Variants in ILDR2 observed in about 807,000 individuals in gnomAD.
ILDR2 encodes the protein immunoglobulin like domain containing receptor 2.
A neutral mutation model predicts 66.8 loss-of-function variants in ILDR2; 25 were observed. The observed-to-expected ratio is 0.37, with a 90% CI of 0.27 to 0.52. The LOEUF (loss-of-function observed/expected upper bound fraction) is 0.52, where lower values mean the gene tolerates loss of function less well. Among genes scored for constraint, ILDR2 ranks in the 20% least tolerant of loss-of-function variants. ILDR2 has a pLI of 0.88. For missense variants in ILDR2, 827 were observed against 876.8 expected (o/e 0.94, Z 0.72); for synonymous variants, 367 against 357.2 (o/e 1.03, Z -0.31).
chr1:166,956,330 G>A (rs920271131), intron 3 of ILDR2, among the ~76,000 whole-genome samples: 4 of 152,192 alleles, frequency 2.6e-5, no homozygotes, highest in African/African-American at 7.2e-5. Context: ...GATTCCTGAT[G>A]TCTCCAGAGG....
At chr1:166,973,740 G>GGAGTGGAA (rs998985392) in intron 1 of ILDR2, among the ~76,000 whole-genome samples, 1 of 151,966 alleles carries the variant, frequency 6.6e-6, no homozygotes, top group Admixed American at 6.6e-5. Context: ...AGTGAGGGTG[G>GGAGTGGAA]GAGTGGAAGG....
intron 2 of ILDR2, among the ~76,000 whole-genome samples, chr1:166,897,166 G>C (rs1418799123): frequency 1.3e-5 from 2 of 152,232 alleles, no homozygotes; most frequent in Middle Eastern, 3.4e-3. Context: ...CAGTTAAGAG[G>C]CTATTGCTAT....
chr1:166,935,279 G>C, intron 6 of ILDR2, 22 bp downstream of exon 6: 1 of 1,613,738 alleles, frequency 6.2e-7, no homozygotes, highest in African/African-American at 1.3e-5. Flanking sequence ...GCATGGGCAG[G>C]GCAGTCTGGA....
At chr1:166,902,314 C>T (rs909120041) in intron 2 of ILDR2, among the ~76,000 whole-genome samples, 1 of 152,248 alleles carries the variant, frequency 6.6e-6, no homozygotes. Context: ...TCTGAATCAA[C>T]CCTTCTTCCT....
chr1:166,931,955 C>T (rs192726773), intron 6 of ILDR2, among the ~76,000 whole-genome samples: 111 of 152,216 alleles, frequency 7.3e-4, no homozygotes, highest in African/African-American at 2.5e-3. Context: ...GTTGGATATA[C>T]GGTATTGAGG....
intron 3 of ILDR2, among the ~76,000 whole-genome samples, 185 bp downstream of exon 3, chr1:166,956,548 G>A (rs1662294001): frequency 6.6e-6 from 1 of 152,166 alleles, no homozygotes; most frequent in South Asian, 2.1e-4. Flanking sequence ...TAGCTTTCAA[G>A]AAGTAAGACA....
rs1557921285 is a variant in ILDR2, at chr1:166,909,760, A to ATATATATAT, written c.*9594_*9595insATATATATA. 3.2e-5 allele frequency: 2 copies of ATATATATAT among 62,742 alleles called. No individual in the cohort carries two copies. Among genetic ancestry groups the ATATATATAT allele is most frequent in the Admixed American group, 1.8e-4 (1 of 5,524 alleles). 3.9% of individuals were successfully genotyped at this position (62,742 alleles called of 1,614,324 possible). A position where few individuals can be genotyped will look rare whatever the true frequency, so the allele number is the denominator to read the frequency against. On this transcript the variant is annotated 3_prime_UTR_variant, in exon 10 of 10. Coordinates refer to ENST00000271417, the MANE Select transcript of ILDR2 (RefSeq NM_199351.3). Reference sequence around the variant, plus strand: ...ACATATATATATATATATATATATAAATATATATAAATATATATATTTATA... The same window carrying ATATATATAT: ...ACATATATATATATATATATATATAATATATATATATATATATAAATATATATATTTATA...
chr1:166,922,511 G>T, intron 8 of ILDR2, 82 bp downstream of exon 8: 1 of 1,030,418 alleles, frequency 9.7e-7, no homozygotes, highest in Non-Finnish European at 1.5e-6. Context: ...CTACTGGATG[G>T]CATCTTCCTT....
chr1:166,966,070 C>T (rs1041477583), intron 1 of ILDR2, among the ~76,000 whole-genome samples: 17 of 152,026 alleles, frequency 1.1e-4, no homozygotes, highest in Admixed American at 1.1e-3. Context: ...GAAGATGCAG[C>T]TTGAATCTTT....
rs529560583 is a variant in ILDR2, at chr1:166,901,327, G to A, written n.172-5226C>T. Among the ~76,000 whole-genome samples, 28 of 152,224 alleles carry A rather than the reference G, an allele frequency of 1.8e-4. No homozygotes were observed. The South Asian group carries it at 2.5e-3, about 14-fold the overall frequency. On this transcript the variant is annotated intron_variant and non_coding_transcript_variant, in intron 2 of 2. Coordinates refer to the ILDR2 transcript ENST00000414590. The stretch of plus-strand genomic sequence containing the variant: ...CAACCTTACAATCACTAGGTCCCTC[G>A]GGGTTATTACAAACATTAACTAAGA...
chr1:166,972,329 A>G (rs946101259), intron 1 of ILDR2, among the ~76,000 whole-genome samples: 1 of 152,230 alleles, frequency 6.6e-6, no homozygotes, highest in African/African-American at 2.4e-5. Flanking sequence ...GTGTTCCCAG[A>G]GTGTCGACAC....
intron 3 of ILDR2, among the ~76,000 whole-genome samples, chr1:166,942,102 T>G (rs1661343644): frequency 6.6e-6 from 1 of 152,106 alleles, no homozygotes; most frequent in South Asian, 2.1e-4. Context: ...TTGAATGGAG[T>G]AGTCTACAAA....
At chr1:166,972,073 G>A (rs1374879541) in intron 1 of ILDR2, among the ~76,000 whole-genome samples, 1 of 152,068 alleles carries the variant, frequency 6.6e-6, no homozygotes, top group African/African-American at 2.4e-5. Context: ...TTAGCCAGGT[G>A]TGGTGGCGCG....
intron 3 of ILDR2, among the ~76,000 whole-genome samples, chr1:166,945,159 A>C (rs746948964): frequency 2.0e-5 from 3 of 152,212 alleles, no homozygotes; most frequent in Non-Finnish European, 2.9e-5. Context: ...TATACTGCAC[A>C]ATGTTTAACA....
intron 3 of ILDR2, among the ~76,000 whole-genome samples, chr1:166,940,861 CAT>C (rs933411299): frequency 4.9e-4 from 75 of 152,274 alleles, no homozygotes; most frequent in African/African-American, 1.4e-3. Context: ...AAAGTTTACT[CAT>C]GTGTGTGGTT....
chr1:166,939,366 T>C, intron 4 of ILDR2, 148 bp downstream of exon 4: 2 of 655,520 alleles, frequency 3.1e-6, no homozygotes, highest in Admixed American at 5.1e-5. Flanking sequence ...TAAAAGCCCT[T>C]CCAATGGGTT....
At chr1:166,925,497 A>G (rs1660223857) in intron 7 of ILDR2, among the ~76,000 whole-genome samples, 1 of 152,196 alleles carries the variant, frequency 6.6e-6, no homozygotes, top group Non-Finnish European at 1.5e-5. Context: ...CAGCTCTGAC[A>G]TTCTAAAGTC....
chr1:166,903,796 A>G (rs1659299146), downstream of ILDR2, among the ~76,000 whole-genome samples: 1 of 152,030 alleles, frequency 6.6e-6, no homozygotes, highest in Non-Finnish European at 1.5e-5. Flanking sequence ...TGCCTACCTC[A>G]AGCACTGTTC....
chr1:166,956,679 C>T (rs991888586), intron 3 of ILDR2, 54 bp downstream of exon 3: 8 of 1,596,514 alleles, frequency 5.0e-6, no homozygotes, highest in Non-Finnish European at 6.0e-6. Flanking sequence ...GGATAGGATA[C>T]AGTGCAAGTG....
Sources: gnomAD v4.1 joint callset for allele counts (sites outside exome capture counted in the v4.1 genomes callset) on GRCh38, gnomAD v4.1.1 for gene constraint, MANE v1.5 for transcripts, NCBI Gene and HGNC (gene_info 2026-07-23, HGNC 2026-07-21) for gene names.